The following PATE4 variants were observed in gnomAD, a reference collection of about 807,000 sequenced individuals.
The protein encoded by PATE4 is prostate and testis expressed protein 4.
Under a neutral mutation model 8.5 loss-of-function variants are expected in PATE4, and 13 were observed. The ratio of observed to expected loss-of-function variants is 1.53; its 90% CI spans 1.00 to 2.43. The LOEUF is 2.43. PATE4 is among the 30% of genes most tolerant of loss of function. The pLI is 0.00. For synonymous variants in PATE4, 47 were observed against 39.3 expected (o/e 1.20, Z -0.73); for missense variants, 127 against 115.5 (o/e 1.10, Z -0.46).
chr11:125,838,456 C>T lies in PATE4; in HGVS notation c.*29C>T. ...AGCTTAGGAACTTGCAGAGGATCAT[C>T]TGATCAAGATCCAGAATCAAGACCA... On this transcript the variant is annotated 3_prime_UTR_variant, in exon 3 of 3. Coordinates refer to ENST00000457514, the MANE Select transcript of PATE4 (RefSeq NM_001144874.1). The T allele has an allele frequency of 6.6e-7, 1 of 1,525,310 alleles. No individual in the cohort carries two copies. Among genetic ancestry groups the T allele is most frequent in the Non-Finnish European group, 8.8e-7 (1 of 1,139,218 alleles). The allele number at this position is 1,525,310 out of a possible 1,614,324, so 94.5% of individuals were successfully genotyped here.
intron 1 of PATE4, 56 bp from the exon 2 acceptor site, chr11:125,837,812 C>A (rs1943931000): frequency 1.5e-6 from 2 of 1,311,448 alleles, no homozygotes; most frequent in South Asian, 1.3e-5. Context: ...GCTGAAAACT[C>A]ACTTTTCCAT....
chr11:125,837,723 C>G, intron 1 of PATE4, 145 bp from the exon 2 acceptor site: 1 of 581,494 alleles, frequency 1.7e-6, no homozygotes. Context: ...ACTTACAAAG[C>G]TAAATTAATC....
At chr11:125,836,571 G>A (rs1179259072) in intron 1 of PATE4, among the ~76,000 whole-genome samples, 1 of 152,006 alleles carries the variant, frequency 6.6e-6, no homozygotes, top group African/African-American at 2.4e-5. Context: ...CCACTTACCT[G>A]GCTGACTCTT....
Position 125,839,759 on chromosome 11 carries a change from G to A in PATE4, c.*1332G>A, listed in dbSNP as rs961503798. 3.9e-5 allele frequency: 6 copies of A among 152,074 alleles called. No homozygotes were observed. In the East Asian group the frequency reaches 1.2e-3, roughly 29 times the overall value. The allele number at this position is 152,074 out of a possible 1,614,324, so 9.4% of individuals were successfully genotyped here. On this transcript the variant is annotated 3_prime_UTR_variant, in exon 3 of 3. Transcript: ENST00000457514. The stretch of plus-strand genomic sequence containing the variant: ...TCTTGTGAGACTTACTCACTATCAC[G>A]AGAATAGCACAGGAAAAACCTGCCC...
Position 125,837,961 on chromosome 11 carries a change from G to C in PATE4, c.152G>C (p.Cys51Ser), listed in dbSNP as rs932412050. Reference sequence around the variant, plus strand: ...TGCATTGCAAAAGAAAATGAGTTATGTTCAACAACAGCCTATTTCAGGGGT... The same window carrying C: ...TGCATTGCAAAAGAAAATGAGTTATCTTCAACAACAGCCTATTTCAGGGGT... ...GTCIAKENEL[C>S]STTAYFRGDK... Residue 51 changes from cysteine to serine, a missense_variant, in exon 2 of 3, where the codon TGT (cysteine) becomes TCT (serine). By Grantham distance (112) the Cys-to-Ser change is moderately radical. Transcript: ENST00000457514. 6.4e-7 allele frequency: 1 copy of C among 1,551,536 alleles called. No homozygotes were observed. Among genetic ancestry groups the C allele is most frequent in the Non-Finnish European group, 8.7e-7 (1 of 1,146,862 alleles).
intron 1 of PATE4, among the ~76,000 whole-genome samples, chr11:125,834,678 T>C (rs982559845): frequency 1.3e-5 from 2 of 152,220 alleles, no homozygotes; most frequent in African/African-American, 2.4e-5. Context: ...TCTGCTTGCA[T>C]GAAATTATCT....
At chr11:125,837,829 A>C in intron 1 of PATE4, 39 bp from the exon 2 acceptor site, 1 of 1,465,294 alleles carries the variant, frequency 6.8e-7, no homozygotes, top group Non-Finnish European at 9.3e-7. Flanking sequence ...CCATTGTCCC[A>C]CAATCCAGCC....
chr11:125,833,846 C>A (rs1371702320), intron 1 of PATE4, among the ~76,000 whole-genome samples: 1 of 152,128 alleles, frequency 6.6e-6, no homozygotes, highest in Non-Finnish European at 1.5e-5. Flanking sequence ...ATCAACTTAC[C>A]CACTTCCATG....
In PATE4 at chr11:125,838,425, T is replaced by G. The variant is rs745350694; in HGVS notation, c.295T>G (p.Ter99GluextTer48). ...CCDRNFCNVF[*>E] ...TGACAGAAACTTCTGTAATGTCTTC[T>G]AATGGAGCTTAGGAACTTGCAGAGG... The change falls in exon 3 of 3, where the codon TAA becomes GAA. Residue 99 changes from the stop codon to glutamate (E), a stop_lost. Coordinates refer to ENST00000457514, the MANE Select transcript of PATE4 (RefSeq NM_001144874.1). 3 of 1,543,416 alleles carry G rather than the reference T, an allele frequency of 1.9e-6. No individual in the cohort carries two copies. The highest frequency in any genetic ancestry group is 2.6e-6 in the Non-Finnish European group (3 of 1,145,014).
rs1019519984 is a variant in PATE4 at position 125,839,378 on chromosome 11, T to G, written c.*951T>G. The G allele has an allele frequency of 6.6e-6, 1 of 152,200 alleles. No homozygotes were observed. The highest frequency in any genetic ancestry group is 2.4e-5 in the African/African-American group (1 of 41,442). 9.4% of individuals were successfully genotyped at this position (152,200 alleles called of 1,614,324 possible). A position where few individuals can be genotyped will look rare whatever the true frequency, so the allele number is the denominator to read the frequency against. ...ATCAATTTGTGGATTTTAAACTTCATGACATGCTGCAGATAATCCTTTAGG... is the reference window on the plus strand; with the variant it reads ...ATCAATTTGTGGATTTTAAACTTCAGGACATGCTGCAGATAATCCTTTAGG... On this transcript the variant is annotated 3_prime_UTR_variant, in exon 3 of 3. Coordinates refer to ENST00000457514, the MANE Select transcript of PATE4 (RefSeq NM_001144874.1).
rs1231189596 is a variant in PATE4 at position 125,838,317 on chromosome 11, A to T, written c.187A>T (p.Met63Leu). 6.5e-7 allele frequency: 1 copy of T among 1,545,680 alleles called. No individual in the cohort carries two copies. The highest frequency in any genetic ancestry group is 8.7e-7 in the Non-Finnish European group (1 of 1,145,146). Residue 63 changes from methionine to leucine, a missense_variant, in exon 3 of 3, where the codon ATG becomes TTG. Coordinates refer to ENST00000457514, the MANE Select transcript of PATE4 (RefSeq NM_001144874.1). Reference sequence around the variant, plus strand: ...TTCTTCATTTTCAGGAGACAAACATATGTACTCAACACATATGTGTAAGTA... The same window carrying T: ...TTCTTCATTTTCAGGAGACAAACATTTGTACTCAACACATATGTGTAAGTA... ...TTAYFRGDKH[M>L]YSTHMCKYKC...
Position 125,833,383 on chromosome 11 carries a change from C to G in PATE4, c.24C>G (p.Leu8=). ...CAATGAGGAAAATGAACACACTGCT[C>G]CTTGTGAGCTTATCTTTTCTCTACC... MRKMNTL[L]LVSLSFLYLK... is the part of the protein sequence containing the mutation. The change falls in exon 1 of 3, where the codon CTC becomes CTG. Residue 8 remains leucine, a synonymous_variant. Coordinates refer to ENST00000457514, the MANE Select transcript of PATE4 (RefSeq NM_001144874.1). 1 of 1,551,536 alleles carries G rather than the reference C, an allele frequency of 6.4e-7. No homozygotes were observed. Among genetic ancestry groups the G allele is most frequent in the Non-Finnish European group, 8.7e-7 (1 of 1,146,896 alleles).
At chr11:125,837,569 C>T (rs1369937995) in intron 1 of PATE4, among the ~76,000 whole-genome samples, 1 of 152,212 alleles carries the variant, frequency 6.6e-6, no homozygotes, top group Non-Finnish European at 1.5e-5. Flanking sequence ...TCTTAATTGG[C>T]ATCACAGGGT....
chr11:125,833,333 A>G lies in PATE4; in HGVS notation c.-27A>G, dbSNP rs570743126. 7.1e-6 allele frequency: 11 copies of G among 1,550,324 alleles called. No individual in the cohort carries two copies. The East Asian group carries it at 2.0e-4, about 28-fold the overall frequency. On this transcript the variant is annotated 5_prime_UTR_variant, in exon 1 of 3. Transcript: ENST00000457514. Reference sequence around the variant, plus strand: ...CCCTTTCCAATACCTCACTCAGCACACCGTCTGTCACCCAAACAAGCATCC... The same window carrying G: ...CCCTTTCCAATACCTCACTCAGCACGCCGTCTGTCACCCAAACAAGCATCC...
intron 1 of PATE4, 49 bp from the exon 2 acceptor site, chr11:125,837,819 C>A: frequency 7.2e-7 from 1 of 1,388,520 alleles, no homozygotes; most frequent in Non-Finnish European, 9.9e-7. Flanking sequence ...ACTCACTTTT[C>A]CATTGTCCCA....
chr11:125,838,148 T>G (rs1359074048), intron 2 of PATE4, among the ~76,000 whole-genome samples, 158 bp from the exon 3 acceptor site: 1 of 151,896 alleles, frequency 6.6e-6, no homozygotes, highest in African/African-American at 2.4e-5. Flanking sequence ...CTGTAGGGTT[T>G]AGTATCCAGA....
Position 125,837,881 on chromosome 11 carries a change from G to A in PATE4, c.72G>A (p.Lys24=). The change falls in exon 2 of 3, where the codon AAG becomes AAA. Residue 24 remains lysine (K), a synonymous_variant. Coordinates refer to ENST00000457514, the MANE Select transcript of PATE4 (RefSeq NM_001144874.1). ...TCCACCCTGCAGTTATGGGTCTGAA[G>A]TGTAATACCTGCATATACACAGAAG... ...FLYLKEVMGL[K]CNTCIYTEGW... is the part of the protein sequence containing the mutation. 1 of 1,551,298 alleles carries A rather than the reference G, an allele frequency of 6.4e-7. No individual in the cohort carries two copies. Among genetic ancestry groups the A allele is most frequent in the South Asian group, 1.2e-5 (1 of 84,044 alleles).
chr11:125,834,695 T>C (rs1370282226), intron 1 of PATE4, among the ~76,000 whole-genome samples: 2 of 152,198 alleles, frequency 1.3e-5, no homozygotes, highest in Admixed American at 6.5e-5. Context: ...ATCTTATAGA[T>C]ATACTCCCAC....
intron 1 of PATE4, among the ~76,000 whole-genome samples, chr11:125,833,802 A>C (rs1276225020): frequency 6.6e-6 from 1 of 152,124 alleles, no homozygotes; most frequent in African/African-American, 2.4e-5. Flanking sequence ...GGATACCTTA[A>C]GGCTTTATAC....
Sources: allele counts gnomAD v4.1 joint callset (sites outside exome capture counted in the v4.1 genomes callset), GRCh38; gene constraint gnomAD v4.1.1; transcripts MANE v1.5; gene names NCBI Gene and HGNC (gene_info 2026-07-23, HGNC 2026-07-21).